NLRP2: variants seen among roughly 807,000 people sequenced by gnomAD.
NLRP2 encodes NLR family pyrin domain containing 2.
Under a neutral mutation model 97.2 loss-of-function variants are expected in NLRP2, and 107 were observed. The observed-to-expected ratio is 1.10, with a 90% CI of 0.94 to 1.29. NLRP2 has a LOEUF of 1.29. Among genes scored for constraint, NLRP2 ranks in the 50% most tolerant of loss-of-function variants. The pLI is 0.00. For synonymous variants in NLRP2, 663 were observed against 551.5 expected (o/e 1.20, Z -2.83); for missense variants, 1,495 against 1,330.3 (o/e 1.12, Z -1.93).
chr19:54,983,294 T>G lies in NLRP2; in HGVS notation c.1596T>G (p.Ile532Met). The change falls in exon 6 of 13, where the codon ATT (isoleucine) becomes ATG (methionine). Residue 532 changes from isoleucine (I) to methionine (M), a missense_variant. Transcript: ENST00000448584. ...EEDRDGHTWD[I>M]GDVQKLLSGV... ...ATAGGGACGGCCACACCTGGGACAT[T>G]GGGGACGTACAGAAGCTGCTTTCCG... is the stretch of plus-strand genomic sequence containing the variant. 3 of 1,613,706 alleles carry G rather than the reference T, an allele frequency of 1.9e-6. No homozygotes were observed. Among genetic ancestry groups the G allele is most frequent in the Admixed American group, 1.7e-5 (1 of 59,972 alleles).
At position 54,982,802 on chromosome 19, in the gene NLRP2, C is replaced by T; in HGVS notation, c.1104C>T (p.Phe368=). The part of the protein sequence containing the change: ...GFLEEDRRAY[F]LRHFGDEDQA... ...TGGAGGAGGACAGGAGGGCCTATTTCCTGAGACACTTTGGAGACGAGGACC... is the reference window on the plus strand; with the variant it reads ...TGGAGGAGGACAGGAGGGCCTATTTTCTGAGACACTTTGGAGACGAGGACC... The change falls in exon 6 of 13, where the codon TTC becomes TTT. Residue 368 remains phenylalanine (F), a synonymous_variant. Transcript: ENST00000448584. 6.2e-7 allele frequency: 1 copy of T among 1,613,962 alleles called. No individual in the cohort carries two copies. Among genetic ancestry groups the T allele is most frequent in the Non-Finnish European group, 8.5e-7 (1 of 1,179,992 alleles).
At position 54,970,200 on chromosome 19, in the gene NLRP2, A is replaced by G. The variant is rs1602295008; in HGVS notation, c.185A>G (p.His62Arg). ...GKQLVEILTT[H>R]CDSYWVEMAS... ...CAACTGGTAGAAATCCTCACCACCC[A>G]TTGTGACAGCTACTGGGTGGAGATG... Residue 62 changes from histidine to arginine, a missense_variant, in exon 2 of 13, where the codon CAT becomes CGT. By Grantham distance (29) the His-to-Arg change is conservative (BLOSUM62 0). Coordinates refer to ENST00000448584, the MANE Select transcript of NLRP2 (RefSeq NM_017852.5). The G allele has an allele frequency of 6.2e-7, 1 of 1,614,136 alleles. No individual in the cohort carries two copies. Among genetic ancestry groups the G allele is most frequent in the Non-Finnish European group, 8.5e-7 (1 of 1,180,024 alleles).
intron 12 of NLRP2, among the ~76,000 whole-genome samples, chr19:55,000,448 T>G (rs1173461038): frequency 6.6e-6 from 1 of 151,306 alleles, no homozygotes; most frequent in Non-Finnish European, 1.5e-5. Context: ...GGCTAATTTT[T>G]TGTATTTTTT....
intron 6 of NLRP2, 31 bp downstream of exon 6, chr19:54,983,759 C>T (rs770771262): frequency 1.2e-6 from 2 of 1,602,642 alleles, no homozygotes; most frequent in Admixed American, 1.7e-5. Context: ...CCAGTCGTTC[C>T]ATCTTTAGCC....
At position 54,982,276 on chromosome 19, in the gene NLRP2, T is replaced by C; in HGVS notation, c.578T>C (p.Ile193Thr). The C allele has an allele frequency of 6.2e-7, 1 of 1,614,084 alleles. No homozygotes were observed. The highest frequency in any genetic ancestry group is 8.5e-7 in the Non-Finnish European group (1 of 1,179,996). Residue 193 changes from isoleucine (I) to threonine (T), a missense_variant, in exon 6 of 13, where the codon ATC becomes ACC. Physicochemically the swap from Ile to Thr is moderately conservative, Grantham distance 89. Transcript: ENST00000448584. ...QVMAERYKML[I>T]PFSNPRVLPG... ...ATGGCTGAGAGATACAAGATGCTGA[T>C]CCCATTCAGCAACCCCAGGGTGCTT...
intron 9 of NLRP2, 90 bp downstream of exon 9, chr19:54,990,282 C>G: frequency 7.3e-7 from 1 of 1,375,518 alleles, no homozygotes; most frequent in Non-Finnish European, 1.0e-6. Context: ...TGTATGGAAC[C>G]TCTCGCTGAT....
chr19:54,992,804 C>A (rs1177367328), intron 10 of NLRP2, among the ~76,000 whole-genome samples: 1 of 151,906 alleles, frequency 6.6e-6, no homozygotes, highest in Non-Finnish European at 1.5e-5. Flanking sequence ...GGTGATCCAC[C>A]CACCTCAGCC....
intron 10 of NLRP2, among the ~76,000 whole-genome samples, chr19:54,992,858 C>G (rs1346011631): frequency 1.3e-5 from 2 of 151,888 alleles, no homozygotes; most frequent in African/African-American, 4.8e-5. Flanking sequence ...CGTGCCGGCC[C>G]CCTCAATTCA....
In NLRP2 at chr19:54,981,685, C is replaced by T; in HGVS notation, c.463+3C>T. On this transcript the variant is annotated splice_donor_region_variant and intron_variant, in intron 5 of 12. Coordinates refer to ENST00000448584, the MANE Select transcript of NLRP2 (RefSeq NM_017852.5). ...AGTCTTTAAAGGAAAAAAGCCAGGT[C>T]TGTACCATATCTTCCTGCAGGGAGC... is the stretch of plus-strand genomic sequence containing the variant. The T allele has an allele frequency of 6.6e-7, 1 of 1,504,708 alleles. No individual in the cohort carries two copies. Among genetic ancestry groups the T allele is most frequent in the Non-Finnish European group, 9.3e-7 (1 of 1,080,246 alleles). The allele number at this position is 1,504,708 out of a possible 1,614,324, so 93.2% of individuals were successfully genotyped here.
At chr19:54,987,421 C>T (rs1051457431) in intron 8 of NLRP2, among the ~76,000 whole-genome samples, 1 of 152,124 alleles carries the variant, frequency 6.6e-6, no homozygotes, top group Non-Finnish European at 1.5e-5. Flanking sequence ...TCCATGAAGC[C>T]TCACTTGGCC....
At chr19:54,993,960 T>G in intron 10 of NLRP2, 1 of 479,038 alleles carries the variant, frequency 2.1e-6, no homozygotes, top group Non-Finnish European at 3.8e-6. Flanking sequence ...CCTGCTGGCT[T>G]TGACTCTCAG....
chr19:54,993,077 A>C (rs1274843427), intron 10 of NLRP2: 2 of 151,694 alleles, frequency 1.3e-5, no homozygotes. Context: ...AAAATTAGCC[A>C]GGCGTGGTGT....
At chr19:54,998,275 C>T (rs1204311688) in intron 12 of NLRP2, among the ~76,000 whole-genome samples, 4 of 151,962 alleles carry the variant, frequency 2.6e-5, no homozygotes, top group Non-Finnish European at 5.9e-5. Context: ...ACCTCAGCAT[C>T]CCAAAGTGCT....
intron 12 of NLRP2, among the ~76,000 whole-genome samples, chr19:54,999,046 CGGCTGGCCGGTT>C (rs2073031352): frequency 6.7e-6 from 1 of 149,466 alleles, no homozygotes; most frequent in African/African-American, 2.5e-5. Flanking sequence ...CCGGACAGGG[CGGCTGGCCGGTT>C]AGAGGGGCTC....
chr19:54,969,061 C>A (rs2070675243), intron 1 of NLRP2, among the ~76,000 whole-genome samples: 1 of 152,078 alleles, frequency 6.6e-6, no homozygotes, highest in Non-Finnish European at 1.5e-5. Flanking sequence ...CCTGGGTGAT[C>A]CACGTAGCTC....
intron 11 of NLRP2, among the ~76,000 whole-genome samples, chr19:54,995,183 G>T (rs543067343): frequency 7.8e-6 from 1 of 128,358 alleles, no homozygotes; most frequent in African/African-American, 2.9e-5. Flanking sequence ...AGTAGTGGGT[G>T]CCTCTTTTTT....
At position 54,986,896 on chromosome 19, in the gene NLRP2, TC is replaced by T. The variant is rs1243944141; in HGVS notation, c.2366+582del. Among the ~76,000 whole-genome samples, 12 of 151,816 alleles carry T rather than the reference TC, an allele frequency of 7.9e-5. No homozygotes were observed. The East Asian group carries it at 2.1e-3, about 27-fold the overall frequency. ...GTTTTGGTTTTTTCTTTTTCTTTTT[TC>T]TTTTTGAGATGGAGTCTCGCTCTGT... On this transcript the variant is annotated intron_variant, in intron 8 of 12. Coordinates refer to ENST00000448584, the MANE Select transcript of NLRP2 (RefSeq NM_017852.5).
Position 54,997,345 on chromosome 19 carries a change from A to G in NLRP2, c.2908A>G (p.Ser970Gly), listed in dbSNP as rs1264380677. 6.2e-7 allele frequency: 1 copy of G among 1,613,958 alleles called. No homozygotes were observed. The highest frequency in any genetic ancestry group is 2.2e-5 in the East Asian group (1 of 44,880). The change falls in exon 12 of 13, where the codon AGT becomes GGT. Residue 970 changes from serine to glycine, a missense_variant. Transcript: ENST00000448584. ...WLWGCSIPPF[S>G]CEDLCSALSC... The stretch of plus-strand genomic sequence containing the variant: ...GTGGGGATGTTCCATCCCTCCGTTC[A>G]GTTGTGAAGACCTCTGCTCTGCCCT...
intron 6 of NLRP2, among the ~76,000 whole-genome samples, chr19:54,984,031 A>AT (rs562409402): frequency 4.6e-5 from 7 of 152,032 alleles, no homozygotes; most frequent in Non-Finnish European, 8.8e-5. Context: ...TTATATTTTC[A>AT]TTAGAGACGG....
Sources: gnomAD v4.1 joint callset for allele counts (sites outside exome capture counted in the v4.1 genomes callset) on GRCh38, gnomAD v4.1.1 for gene constraint, MANE v1.5 for transcripts, NCBI Gene and HGNC (gene_info 2026-07-23, HGNC 2026-07-21) for gene names.